The following NAA40 variants were observed in gnomAD, a reference collection of about 807,000 sequenced individuals.
NAA40 encodes N-alpha-acetyltransferase 40.
NAA40 carries 26 observed loss-of-function variants against 36.6 expected under a neutral mutation model. The observed-to-expected ratio is 0.71, with a 90% CI of 0.52 to 0.98. The LOEUF (loss-of-function observed/expected upper bound fraction) is 0.98. Among genes scored for constraint, NAA40 ranks in the 50% least tolerant of loss-of-function variants. The probability of loss-of-function intolerance (pLI) is 0.00; values close to 1 mark genes in which losing one functional copy is unlikely to be tolerated. For synonymous variants in NAA40, 129 were observed against 108.4 expected (o/e 1.19, Z -1.18); for missense variants, 237 against 306.5 (o/e 0.77, Z 1.69).
intron 5 of NAA40, 95 bp from the exon 6 acceptor site, chr11:63,952,661 C>G (rs1435020190): frequency 6.3e-7 from 1 of 1,599,770 alleles, no homozygotes; most frequent in African/African-American, 1.3e-5. Flanking sequence ...CTACCTAGGT[C>G]TATGAGCTGC....
At position 63,957,098 on chromosome 11, in the gene NAA40, C is replaced by T. The variant is rs1172323985; in HGVS notation, c.*2619C>T. 6.6e-6 allele frequency: 1 copy of T among 150,402 alleles called. No homozygotes were observed. The highest frequency in any genetic ancestry group is 1.5e-5 in the Non-Finnish European group (1 of 67,828). The allele number at this position is 150,402 out of a possible 1,614,324, so 9.3% of individuals were successfully genotyped here. A position where few individuals can be genotyped will look rare whatever the true frequency, so the allele number is the denominator to read the frequency against. On this transcript the variant is annotated 3_prime_UTR_variant, in exon 8 of 8. Transcript: ENST00000377793. ...AATTTTAGTTATATCCACCCTATTT[C>T]AGGTTATTTTTGTTGGTGTCAAGTA... is the stretch of plus-strand genomic sequence containing the variant.
chr11:63,951,020 G>A (rs1181441610), intron 3 of NAA40, among the ~76,000 whole-genome samples: 2 of 152,214 alleles, frequency 1.3e-5, no homozygotes, highest in Admixed American at 6.5e-5. Flanking sequence ...AAAGGAAGAT[G>A]CTTCAGGGGC....
chr11:63,942,866 C>G (rs995480873), intron 1 of NAA40, among the ~76,000 whole-genome samples: 7 of 152,192 alleles, frequency 4.6e-5, no homozygotes, highest in African/African-American at 1.7e-4. Flanking sequence ...TGAGGATTGC[C>G]AGGTCTACAT....
chr11:63,947,807 A>G (rs939533667), intron 3 of NAA40, among the ~76,000 whole-genome samples: 2 of 148,304 alleles, frequency 1.3e-5, no homozygotes, highest in Non-Finnish European at 3.0e-5. Flanking sequence ...GCTCACTGCA[A>G]CCTCTGCCAG....
At chr11:63,947,114 C>T (rs1011474998) in intron 3 of NAA40, 111 bp downstream of exon 3, 8 of 1,206,006 alleles carry the variant, frequency 6.6e-6, no homozygotes, top group East Asian at 2.4e-5. Context: ...TTCGTATTTA[C>T]GAAAAAACAG....
rs1246356247 is a variant in NAA40, at chr11:63,957,291, T to G, written c.*2812T>G. 1 of 151,982 alleles carries G rather than the reference T, an allele frequency of 6.6e-6. No homozygotes were observed. The highest frequency in any genetic ancestry group is 1.5e-5 in the Non-Finnish European group (1 of 67,990). 9.4% of individuals were successfully genotyped at this position (151,982 alleles called of 1,614,324 possible). On this transcript the variant is annotated 3_prime_UTR_variant, in exon 8 of 8. Coordinates refer to ENST00000377793, the MANE Select transcript of NAA40 (RefSeq NM_024771.4). ...TCTCTTCTTGCATTGGTTGTATTTG[T>G]ATGTCACAAATAAAAGACACTTTGG...
intron 1 of NAA40, chr11:63,939,445 G>A: frequency 9.2e-7 from 1 of 1,087,594 alleles, no homozygotes. Flanking sequence ...TCATCACCTG[G>A]CTGTCACCAG....
chr11:63,946,067 G>T (rs1276933781), intron 2 of NAA40, 132 bp downstream of exon 2: 6 of 780,036 alleles, frequency 7.7e-6, no homozygotes, highest in Admixed American at 6.5e-5. Context: ...TCCTTGCTGT[G>T]CAGGGAACTG....
At position 63,956,815 on chromosome 11, in the gene NAA40, A is replaced by G. The variant is rs529667879; in HGVS notation, c.*2336A>G. ...CATGGCAAAAGCCCATCTCTACTAA[A>G]AAATACAAAAATCAGCCAGGCGTGG... On this transcript the variant is annotated 3_prime_UTR_variant, in exon 8 of 8. Coordinates refer to ENST00000377793, the MANE Select transcript of NAA40 (RefSeq NM_024771.4). 6 of 152,238 alleles carry G rather than the reference A, an allele frequency of 3.9e-5. No homozygotes were observed. The highest frequency in any genetic ancestry group is 8.8e-5 in the Non-Finnish European group (6 of 68,034). The allele number at this position is 152,238 out of a possible 1,614,324, so 9.4% of individuals were successfully genotyped here.
intron 3 of NAA40, among the ~76,000 whole-genome samples, chr11:63,951,551 G>C (rs1942279081): frequency 6.6e-6 from 1 of 152,150 alleles, no homozygotes; most frequent in Non-Finnish European, 1.5e-5. Context: ...TCACCATGTT[G>C]GTCAGGCTAG....
chr11:63,947,041 G>A (rs1590753760), intron 3 of NAA40, 38 bp downstream of exon 3: 3 of 1,580,016 alleles, frequency 1.9e-6, no homozygotes, highest in South Asian at 1.1e-5. Context: ...CTGTCTCCTC[G>A]AGTGTCTTCA....
intron 2 of NAA40, 34 bp from the exon 3 acceptor site, chr11:63,946,917 G>C (rs1179330706): frequency 6.8e-6 from 11 of 1,613,342 alleles, no homozygotes; most frequent in South Asian, 1.1e-5. Flanking sequence ...CGCCCCACTT[G>C]TCTGTGCTGT....
In NAA40 at chr11:63,943,002, G is replaced by A. The variant is rs61141225; in HGVS notation, c.7-2838G>A. Among the ~76,000 whole-genome samples the A allele has an allele frequency of 2.0e-3, 297 of 152,244 alleles. 9 individuals are homozygous for A. The East Asian group carries it at 0.045, about 23-fold the overall frequency. ...CTTCAGTGCTTTCTGGGTTCTGGGC[G>A]TTACCCTTGCCCTCCAGCACCTTTG... is the stretch of plus-strand genomic sequence containing the variant. On this transcript the variant is annotated intron_variant, in intron 1 of 7. Coordinates refer to ENST00000377793, the MANE Select transcript of NAA40 (RefSeq NM_024771.4).
intron 7 of NAA40, 33 bp from the exon 8 acceptor site, chr11:63,954,305 G>T (rs1942328371): frequency 6.4e-7 from 1 of 1,556,444 alleles, no homozygotes; most frequent in Non-Finnish European, 8.7e-7. Flanking sequence ...TCAGCTGCCT[G>T]CCACCAACCC....
intron 1 of NAA40, among the ~76,000 whole-genome samples, chr11:63,944,437 G>A (rs1942154478): frequency 6.6e-6 from 1 of 152,142 alleles, no homozygotes; most frequent in Non-Finnish European, 1.5e-5. Context: ...GGTGGTGCAT[G>A]CAGTCTGCAT....
chr11:63,951,840 A>G (rs1942283195), intron 3 of NAA40, among the ~76,000 whole-genome samples: 1 of 152,240 alleles, frequency 6.6e-6, no homozygotes, highest in African/African-American at 2.4e-5. Context: ...CAGAAATTAC[A>G]GCAACAGGAA....
chr11:63,945,517 T>G (rs533532378), intron 1 of NAA40, among the ~76,000 whole-genome samples: 2 of 151,706 alleles, frequency 1.3e-5, no homozygotes, highest in Admixed American at 1.3e-4. Flanking sequence ...AGCGGGTGAG[T>G]GAATATTTAC....
rs555209418 is a variant in NAA40 at position 63,942,286 on chromosome 11, C to T, written c.6+3184C>T. Among the ~76,000 whole-genome samples, 130 of 152,302 alleles carry T rather than the reference C, an allele frequency of 8.5e-4. No homozygotes were observed. The Middle Eastern group carries it at 0.017, about 20-fold the overall frequency. On this transcript the variant is annotated intron_variant, in intron 1 of 7. Transcript: ENST00000377793. ...CTCATCAAAGAAGTAGTCACACCTA[C>T]CATGCTGGGTTGTGAAAAGTAAAAT...
At chr11:63,940,040 C>CT (rs10618202) in intron 1 of NAA40, among the ~76,000 whole-genome samples, 14 of 77,802 alleles carry the variant, frequency 1.8e-4, no homozygotes, top group African/African-American at 5.4e-4. Context: ...TGGCTGTATT[C>CT]TTTTTTTTTT....
Sources: gnomAD v4.1 joint callset for allele counts (sites outside exome capture counted in the v4.1 genomes callset) on GRCh38, gnomAD v4.1.1 for gene constraint, MANE v1.5 for transcripts, NCBI Gene and HGNC (gene_info 2026-07-23, HGNC 2026-07-21) for gene names.